The following CLNK variants were observed in gnomAD, a reference collection of about 807,000 sequenced individuals.
CLNK encodes cytokine-dependent hematopoietic cell linker.
CLNK carries 74 observed loss-of-function variants against 68.6 expected under a neutral mutation model. The observed-to-expected ratio is 1.08, with a 90% confidence interval of 0.89 to 1.31. The LOEUF (loss-of-function observed/expected upper bound fraction) is 1.31, where lower values mean the gene tolerates loss of function less well. Ranked by LOEUF, CLNK falls within the 50% of genes most tolerant of loss-of-function variation. CLNK has a pLI of 0.00. For missense variants in CLNK, 553 were observed against 515.3 expected (o/e 1.07, Z -0.71); for synonymous variants, 198 against 172.2 (o/e 1.15, Z -1.17).
intron 8 of CLNK, among the ~76,000 whole-genome samples, chr4:10,551,419 G>GTATATA (rs201585969): frequency 4.7e-5 from 6 of 127,838 alleles, no homozygotes; most frequent in Non-Finnish European, 9.2e-5. Context: ...TAATTTTTTT[G>GTATATA]TATATATATA....
chr4:10,640,509 TCA>T (rs772325695), intron 2 of CLNK, among the ~76,000 whole-genome samples: 1 of 152,130 alleles, frequency 6.6e-6, no homozygotes, highest in Admixed American at 6.5e-5. Context: ...TCTCTCTGTG[TCA>T]CACACACACA....
intron 1 of CLNK, among the ~76,000 whole-genome samples, chr4:10,676,304 G>C (rs1724870567): frequency 1.3e-5 from 2 of 151,790 alleles, no homozygotes; most frequent in African/African-American, 4.8e-5. Context: ...AGATCAATCA[G>C]CTCAATTTAA....
chr4:10,573,790 T>C (rs928829954), intron 4 of CLNK, among the ~76,000 whole-genome samples: 2 of 152,100 alleles, frequency 1.3e-5, no homozygotes, highest in African/African-American at 4.8e-5. Flanking sequence ...AGCCTGAGAC[T>C]CTCCCAGATT....
intron 8 of CLNK, among the ~76,000 whole-genome samples, chr4:10,555,133 G>A (rs1047319260): frequency 6.6e-6 from 1 of 152,180 alleles, no homozygotes; most frequent in Non-Finnish European, 1.5e-5. Flanking sequence ...ATGGCATTTT[G>A]TGGAATTCTA....
At chr4:10,700,738 T>C in the CLNK span, among the ~76,000 whole-genome samples, 81 of 152,084 alleles carry the variant, frequency 5.3e-4, 1 homozygote, top group Non-Finnish European at 2.4e-4. Context: ...CAAGCATGGG[T>C]GGGGAAAATT....
chr4:10,573,242 G>A (rs1196373143), intron 4 of CLNK, among the ~76,000 whole-genome samples: 4 of 152,180 alleles, frequency 2.6e-5, no homozygotes, highest in South Asian at 2.1e-4. Context: ...AAGGTGTAAT[G>A]TACAAATTAA....
intron 7 of CLNK, among the ~76,000 whole-genome samples, chr4:10,560,992 G>A (rs1719865236): frequency 6.6e-6 from 1 of 151,664 alleles, no homozygotes; most frequent in East Asian, 1.9e-4. Context: ...GACCTCCCAG[G>A]CTCAGGTGAT....
Position 10,584,961 on chromosome 4 carries a change from G to A in CLNK, c.84-6C>T. 1 of 1,613,512 alleles carries A rather than the reference G, an allele frequency of 6.2e-7. No homozygotes were observed. The highest frequency in any genetic ancestry group is 1.3e-5 in the African/African-American group (1 of 74,992). ...TATTGATGCGAGGCCATGACCTAGG[G>A]CAGAAAAGAGAACCAAGTTAAATGT... is the stretch of plus-strand genomic sequence containing the variant. On this transcript the variant is annotated splice_region_variant and splice_polypyrimidine_tract_variant and intron_variant, in intron 3 of 18. Coordinates refer to ENST00000226951, the MANE Select transcript of CLNK (RefSeq NM_052964.4).
At chr4:10,598,956 C>G (rs1207487694) in intron 2 of CLNK, among the ~76,000 whole-genome samples, 2 of 152,190 alleles carry the variant, frequency 1.3e-5, no homozygotes, top group African/African-American at 2.4e-5. Context: ...GGTACCGTTC[C>G]CTCTTTATCA....
chr4:10,641,164 A>G (rs1305100583), intron 2 of CLNK, among the ~76,000 whole-genome samples: 1 of 152,106 alleles, frequency 6.6e-6, no homozygotes, highest in Non-Finnish European at 1.5e-5. Flanking sequence ...CTCCTGAGGG[A>G]CAGTTGGAGG....
rs145785367 is a variant in CLNK at position 10,569,462 on chromosome 4, C to T, written c.150+2279G>A. ...ATTTGCATCCCAAGGGGATAGTTCT[C>T]GCCAACCCTACTGGCACTTTGGTCT... On this transcript the variant is annotated intron_variant, in intron 5 of 18. Coordinates refer to ENST00000226951, the MANE Select transcript of CLNK (RefSeq NM_052964.4). Among the ~76,000 whole-genome samples the T allele has an allele frequency of 6.2e-3, 940 of 152,284 alleles. 4 individuals carry two copies. The highest frequency in any genetic ancestry group is 0.011 in the Admixed American group (172 of 15,300).
intron 2 of CLNK, among the ~76,000 whole-genome samples, chr4:10,610,182 G>C (rs1406388318): frequency 1.3e-5 from 2 of 148,778 alleles, no homozygotes; most frequent in Non-Finnish European, 3.0e-5. Context: ...TCAGCCTCCC[G>C]AGTAGCTGGG....
At chr4:10,627,332 C>T (rs1722714028) in intron 2 of CLNK, among the ~76,000 whole-genome samples, 1 of 152,152 alleles carries the variant, frequency 6.6e-6, no homozygotes, top group African/African-American at 2.4e-5. Context: ...ACTTTAGAGC[C>T]TCAACAAAAT....
At chr4:10,670,918 T>C (rs999131617) in intron 1 of CLNK, among the ~76,000 whole-genome samples, 1 of 152,236 alleles carries the variant, frequency 6.6e-6, no homozygotes, top group Admixed American at 6.5e-5. Context: ...TTTTGCCTTA[T>C]ATGTAAACCT....
the CLNK span, among the ~76,000 whole-genome samples, chr4:10,722,689 C>T: frequency 6.6e-6 from 1 of 152,128 alleles, no homozygotes; most frequent in Non-Finnish European, 1.5e-5. Context: ...TTGTACACTC[C>T]ACAGGGTGGG....
At chr4:10,729,501 T>C in the CLNK span, among the ~76,000 whole-genome samples, 1 of 152,160 alleles carries the variant, frequency 6.6e-6, no homozygotes, top group Admixed American at 6.5e-5. Context: ...GAGCAAAGTG[T>C]CAACCTCAGT....
At chr4:10,634,531 C>G (rs1723008618) in intron 2 of CLNK, among the ~76,000 whole-genome samples, 1 of 152,208 alleles carries the variant, frequency 6.6e-6, no homozygotes, top group Non-Finnish European at 1.5e-5. Context: ...GAGCAAAGAA[C>G]CCAGCAGCCT....
the CLNK span, among the ~76,000 whole-genome samples, chr4:10,720,108 G>A: frequency 6.6e-6 from 1 of 151,938 alleles, no homozygotes; most frequent in Non-Finnish European, 1.5e-5. Flanking sequence ...AAAAAATGAA[G>A]TCTGAAACCA....
At chr4:10,720,096 TA>T in the CLNK span, among the ~76,000 whole-genome samples, 2 of 151,950 alleles carry the variant, frequency 1.3e-5, no homozygotes, top group African/African-American at 2.4e-5. Flanking sequence ...CTGCAAATGT[TA>T]AAAAAATGAA....
Sources: allele counts gnomAD v4.1 joint callset (sites outside exome capture counted in the v4.1 genomes callset), GRCh38; gene constraint gnomAD v4.1.1; transcripts MANE v1.5; gene names NCBI Gene and HGNC (gene_info 2026-07-23, HGNC 2026-07-21).